The following RELL1 variants were observed in gnomAD, a reference collection of about 807,000 sequenced individuals.
RELL1 encodes the protein RELT-like protein 1.
Under a neutral mutation model 23.0 loss-of-function variants are expected in RELL1, and 10 were observed. That is an observed-to-expected ratio of 0.43 (90% CI 0.27 to 0.74). RELL1 has a LOEUF of 0.74. Ranked by LOEUF, RELL1 falls within the 30% of genes least tolerant of loss-of-function variation. RELL1 has a pLI of 0.19. For synonymous variants in RELL1, 146 were observed against 146.8 expected, an observed-to-expected ratio of 0.99 and a Z score of 0.04; for missense variants, 315 against 364.4, an observed-to-expected ratio of 0.86 and a Z score of 1.10.
At chr4:37,670,838 C>A (rs62297229) in intron 1 of RELL1, among the ~76,000 whole-genome samples, 75 of 152,212 alleles carry the variant, frequency 4.9e-4, no homozygotes, top group South Asian at 1.2e-3. Flanking sequence ...TCCCAAAGTG[C>A]TGGGATAATA....
chr4:37,615,820 G>T (rs1191676137), intron 6 of RELL1, among the ~76,000 whole-genome samples: 1 of 152,200 alleles, frequency 6.6e-6, no homozygotes, highest in East Asian at 1.9e-4. Flanking sequence ...AACAAAGGAA[G>T]AGGTTGTCTT....
chr4:37,682,618 T>C (rs564296676), intron 1 of RELL1, among the ~76,000 whole-genome samples: 1 of 152,336 alleles, frequency 6.6e-6, no homozygotes, highest in South Asian at 2.1e-4. Context: ...GACAGAGACT[T>C]CTCACATTTT....
intron 1 of RELL1, among the ~76,000 whole-genome samples, chr4:37,665,766 G>T (rs1041245527): frequency 1.3e-5 from 2 of 152,222 alleles, no homozygotes; most frequent in African/African-American, 4.8e-5. Flanking sequence ...GGAAATCAGT[G>T]AATTCCCTGA....
chr4:37,670,716 A>G (rs1194138036), intron 1 of RELL1, among the ~76,000 whole-genome samples: 1 of 151,438 alleles, frequency 6.6e-6, no homozygotes, highest in Non-Finnish European at 1.5e-5. Flanking sequence ...GACTACAGGC[A>G]CGTGCCACCA....
At chr4:37,650,196 A>G (rs143675723) in intron 1 of RELL1, among the ~76,000 whole-genome samples, 1 of 152,208 alleles carries the variant, frequency 6.6e-6, no homozygotes, top group South Asian at 2.1e-4. Context: ...ACAGGCGGAG[A>G]TTTGTTGTCC....
chr4:37,595,630 A>G lies in RELL1; in HGVS notation c.*4-4413T>C, dbSNP rs147294799. ...AAAGGATGTGGGAGCACAAATCCAT[A>G]GGAATTTGAGAGTTTAGGAATTGTA... is the stretch of plus-strand genomic sequence containing the variant. On this transcript the variant is annotated intron_variant, in intron 6 of 6. Transcript: ENST00000314117. Among the ~76,000 whole-genome samples the G allele has an allele frequency of 1.0e-2, 1,519 of 152,332 alleles. 10 individuals are homozygous for G. Among genetic ancestry groups the G allele is most frequent in the South Asian group, 0.025 (123 of 4,832 alleles).
intron 1 of RELL1, among the ~76,000 whole-genome samples, chr4:37,664,661 C>T (rs540157743): frequency 6.6e-6 from 1 of 152,034 alleles, no homozygotes; most frequent in Admixed American, 6.6e-5. Flanking sequence ...ACACACAGTA[C>T]AAGATATAAA....
chr4:37,642,299 T>C (rs1418057666), intron 3 of RELL1, among the ~76,000 whole-genome samples: 1 of 152,164 alleles, frequency 6.6e-6, no homozygotes, highest in Non-Finnish European at 1.5e-5. Flanking sequence ...GAGGACTATC[T>C]GTAGTACTCC....
chr4:37,625,024 G>T (rs899198597), intron 6 of RELL1, among the ~76,000 whole-genome samples: 2 of 152,130 alleles, frequency 1.3e-5, no homozygotes, highest in South Asian at 2.1e-4. Context: ...GTCCAGCAAC[G>T]ATCTCATTTT....
intron 5 of RELL1, among the ~76,000 whole-genome samples, chr4:37,633,277 C>T (rs1398189587): frequency 3.3e-5 from 5 of 151,990 alleles, no homozygotes; most frequent in Middle Eastern, 3.4e-3. Flanking sequence ...GGCATGGTGG[C>T]GGGCACCTGC....
intron 1 of RELL1, among the ~76,000 whole-genome samples, chr4:37,663,695 G>T (rs1721433917): frequency 6.6e-6 from 1 of 152,154 alleles, no homozygotes; most frequent in Admixed American, 6.5e-5. Context: ...AGGAGGACAG[G>T]ATCCAACCCA....
intron 1 of RELL1, among the ~76,000 whole-genome samples, chr4:37,651,063 A>G (rs1304106603): frequency 6.6e-6 from 1 of 151,636 alleles, no homozygotes; most frequent in Non-Finnish European, 1.5e-5. Flanking sequence ...GTCTCAAAAA[A>G]AAAAAAAAAA....
intron 6 of RELL1, among the ~76,000 whole-genome samples, chr4:37,630,773 G>A (rs577139168): frequency 1.1e-4 from 16 of 152,082 alleles, no homozygotes; most frequent in Admixed American, 8.5e-4. Flanking sequence ...AATATTTGGT[G>A]GGAAGAGAAA....
intron 1 of RELL1, among the ~76,000 whole-genome samples, chr4:37,658,113 G>A (rs59599351): frequency 0.053 from 8,033 of 152,210 alleles, 442 homozygotes; most frequent in East Asian, 0.15. Flanking sequence ...GAGGACAGAA[G>A]AGGGGACTTC....
intron 1 of RELL1, among the ~76,000 whole-genome samples, chr4:37,680,910 TGA>T (rs1722194795): frequency 7.9e-6 from 1 of 126,272 alleles, no homozygotes; most frequent in East Asian, 2.2e-4. Flanking sequence ...CCAGCCTGGG[TGA>T]CAGAGCAACA....
At chr4:37,656,686 C>G (rs1179909255) in intron 1 of RELL1, among the ~76,000 whole-genome samples, 1 of 152,216 alleles carries the variant, frequency 6.6e-6, no homozygotes, top group Non-Finnish European at 1.5e-5. Context: ...TAACGTTGTT[C>G]TCACAGAAGT....
chr4:37,625,418 A>G (rs957683897), intron 6 of RELL1, among the ~76,000 whole-genome samples: 5 of 152,250 alleles, frequency 3.3e-5, no homozygotes, highest in Non-Finnish European at 1.5e-5. Context: ...CAGAGTGAAG[A>G]GATAACTTAT....
intron 5 of RELL1, among the ~76,000 whole-genome samples, chr4:37,632,124 G>A (rs922118034): frequency 7.2e-6 from 1 of 138,764 alleles, no homozygotes; most frequent in Non-Finnish European, 1.5e-5. Context: ...TCAGAGACTC[G>A]AATATTAAAC....
chr4:37,622,046 T>C (rs1719786283), intron 6 of RELL1, among the ~76,000 whole-genome samples: 1 of 152,172 alleles, frequency 6.6e-6, no homozygotes, highest in African/African-American at 2.4e-5. Flanking sequence ...TGAGGACAAA[T>C]AGGGCATATA....
Sources: allele counts gnomAD v4.1 joint callset (sites outside exome capture counted in the v4.1 genomes callset), GRCh38; gene constraint gnomAD v4.1.1; transcripts MANE v1.5; gene names NCBI Gene and HGNC (gene_info 2026-07-23, HGNC 2026-07-21).